The following CCZ1B variants were observed in gnomAD, a reference collection of about 807,000 sequenced individuals.
The protein encoded by CCZ1B is vacuolar fusion protein CCZ1 homolog B.
CCZ1B carries 25 observed loss-of-function variants against 58.8 expected under a neutral mutation model. The observed-to-expected ratio is 0.43, with a 90% CI of 0.31 to 0.59. The LOEUF (loss-of-function observed/expected upper bound fraction) is 0.59, where lower values mean the gene tolerates loss of function less well. Ranked by LOEUF, CCZ1B falls within the 20% of genes least tolerant of loss-of-function variation. CCZ1B has a pLI of 0.12. For missense variants in CCZ1B, 180 were observed against 501.5 expected, an observed-to-expected ratio of 0.36 and a Z score of 6.12; for synonymous variants, 66 against 173.2, an observed-to-expected ratio of 0.38 and a Z score of 4.86.
At chr7:6,811,154 C>T (rs1782911606) in intron 10 of CCZ1B, among the ~76,000 whole-genome samples, 1 of 151,130 alleles carries the variant, frequency 6.6e-6, no homozygotes. Flanking sequence ...CCTTCCCCAC[C>T]TTTCCAGGCC....
rs1210588992 is a variant in CCZ1B, at chr7:6,818,505, C to T, written c.698+1261G>A. Among the ~76,000 whole-genome samples the T allele has an allele frequency of 3.4e-5, 5 of 148,096 alleles. 1 individual carries two copies. The highest frequency in any genetic ancestry group is 7.7e-5 in the African/African-American group (3 of 38,900). ...GGGAAGTTGCAGTGAGCCAAGATCG[C>T]GCCACTGTACTCCAGCCTGGCAACA... On this transcript the variant is annotated intron_variant, in intron 7 of 14. Coordinates refer to ENST00000316731, the MANE Select transcript of CCZ1B (RefSeq NM_198097.5).
At chr7:6,810,972 C>G (rs982951785) in intron 10 of CCZ1B, among the ~76,000 whole-genome samples, 1 of 150,856 alleles carries the variant, frequency 6.6e-6, no homozygotes, top group African/African-American at 2.5e-5. Context: ...TGAGCAGGGC[C>G]TCATTCTCAG....
At chr7:6,801,890 A>C (rs1235472688) in intron 12 of CCZ1B, among the ~76,000 whole-genome samples, 1 of 118,042 alleles carries the variant, frequency 8.5e-6, no homozygotes, top group African/African-American at 3.0e-5. Flanking sequence ...CTCTTTTTCT[A>C]AACAAAGTTT....
At chr7:6,825,285 T>G (rs1474159004) in intron 1 of CCZ1B, among the ~76,000 whole-genome samples, 1 of 146,862 alleles carries the variant, frequency 6.8e-6, no homozygotes, top group African/African-American at 2.6e-5. Flanking sequence ...CTGCCCAGGC[T>G]GTAGTGCAGT....
chr7:6,824,733 T>C lies in CCZ1B; in HGVS notation c.125A>G (p.Glu42Gly), dbSNP rs1266763052. ...PRFGPREGQE[E>G]NKILFYHPNE... ...TGGATGATAAAATAAAATCTTATTTTCCTCCTGAAACATGAGGAAACAGAA... is the reference window on the plus strand; with the variant it reads ...TGGATGATAAAATAAAATCTTATTTCCCTCCTGAAACATGAGGAAACAGAA... The change falls in exon 2 of 15, where the codon GAA becomes GGA. Residue 42 changes from glutamate to glycine, a missense_variant. Glu to Gly is a moderately conservative substitution (Grantham distance 98). Coordinates refer to ENST00000316731, the MANE Select transcript of CCZ1B (RefSeq NM_198097.5). 6.3e-6 allele frequency: 10 copies of C among 1,595,006 alleles called. No homozygotes were observed. The highest frequency in any genetic ancestry group is 8.5e-6 in the Non-Finnish European group (10 of 1,171,532).
chr7:6,821,837 A>G (rs1783116355), intron 6 of CCZ1B, among the ~76,000 whole-genome samples: 1 of 150,342 alleles, frequency 6.7e-6, no homozygotes, highest in African/African-American at 2.5e-5. Context: ...AATCTGACAA[A>G]GTCTGTCAAG....
intron 7 of CCZ1B, among the ~76,000 whole-genome samples, chr7:6,816,406 G>C (rs1783000073): frequency 2.0e-5 from 3 of 148,758 alleles, no homozygotes; most frequent in African/African-American, 7.7e-5. Flanking sequence ...GCTTGAACCT[G>C]GGAGGCGCAG....
intron 7 of CCZ1B, among the ~76,000 whole-genome samples, chr7:6,817,490 C>T (rs1048472821): frequency 6.7e-6 from 1 of 149,894 alleles, no homozygotes; most frequent in Non-Finnish European, 1.5e-5. Flanking sequence ...TGTCACACGA[C>T]ATCTCCCTAT....
At chr7:6,804,036 A>T (rs1328064386) in intron 12 of CCZ1B, among the ~76,000 whole-genome samples, 1 of 150,210 alleles carries the variant, frequency 6.7e-6, no homozygotes, top group Non-Finnish European at 1.5e-5. Context: ...AACTTCTCAA[A>T]TGTGTAGAGA....
chr7:6,813,735 T>TA (rs1782953831), intron 8 of CCZ1B, among the ~76,000 whole-genome samples: 1 of 149,554 alleles, frequency 6.7e-6, no homozygotes, highest in South Asian at 2.1e-4. Flanking sequence ...GAAAGCCAGG[T>TA]AGGCACTAAA....
At chr7:6,822,193 T>C (rs1299432388) in intron 6 of CCZ1B, 88 bp downstream of exon 6, 1 of 1,529,874 alleles carries the variant, frequency 6.5e-7, no homozygotes, top group Non-Finnish European at 8.8e-7. Flanking sequence ...GGGTTTTTTG[T>C]AGATAAGAAA....
rs576280166 is a variant in CCZ1B at position 6,815,212 on chromosome 7, G to A, written c.699-367C>T. Among the ~76,000 whole-genome samples the A allele has an allele frequency of 1.8e-4, 27 of 146,918 alleles. No homozygotes were observed. In the South Asian group the frequency reaches 3.7e-3, roughly 20 times the overall value. On this transcript the variant is annotated intron_variant, in intron 7 of 14. Coordinates refer to ENST00000316731, the MANE Select transcript of CCZ1B (RefSeq NM_198097.5). Reference sequence around the variant, plus strand: ...GACAAGGTCTTGCTCTGTCACCCAGGCTGGAAGCAGTGGTGCGATCATGGC... The same window carrying A: ...GACAAGGTCTTGCTCTGTCACCCAGACTGGAAGCAGTGGTGCGATCATGGC...
At chr7:6,820,327 T>C (rs1783088469) in intron 6 of CCZ1B, among the ~76,000 whole-genome samples, 1 of 149,094 alleles carries the variant, frequency 6.7e-6, no homozygotes, top group South Asian at 2.1e-4. Context: ...TACAGGCGCC[T>C]GCCACCATGC....
intron 7 of CCZ1B, among the ~76,000 whole-genome samples, chr7:6,815,290 A>G (rs200941590): frequency 0.48 from 67,053 of 140,860 alleles, 14,965 homozygotes; most frequent in South Asian, 0.74. Flanking sequence ...CTCAGCCTCC[A>G]GACTAGCTGG....
At chr7:6,822,839 C>G (rs1439161188) in intron 5 of CCZ1B, among the ~76,000 whole-genome samples, 1 of 144,518 alleles carries the variant, frequency 6.9e-6, no homozygotes, top group Non-Finnish European at 1.5e-5. Flanking sequence ...GTAGCTGGGA[C>G]TACAGGCATG....
At chr7:6,820,915 C>CA (rs377633614) in intron 6 of CCZ1B, among the ~76,000 whole-genome samples, 29,475 of 99,472 alleles carry the variant, frequency 0.3, 3,225 homozygotes, top group South Asian at 0.5. Context: ...GACTCTGTCT[C>CA]AAAAAAAAAA....
At chr7:6,818,593 CAGAAAGAA>C (rs796919882) in intron 7 of CCZ1B, among the ~76,000 whole-genome samples, 11 of 105,860 alleles carry the variant, frequency 1.0e-4, no homozygotes, top group East Asian at 9.5e-4. Context: ...GAAAGACAGA[CAGAAAGAA>C]AGAAAGAAAG....
At chr7:6,824,215 G>A (rs750084077) in intron 3 of CCZ1B, 49 bp from the exon 4 acceptor site, 4 of 1,509,586 alleles carry the variant, frequency 2.6e-6, no homozygotes, top group African/African-American at 1.5e-5. Flanking sequence ...ATTAGACCAT[G>A]TTTATTTTGC....
At chr7:6,809,846 C>A (rs1782892266) in intron 10 of CCZ1B, among the ~76,000 whole-genome samples, 1 of 144,982 alleles carries the variant, frequency 6.9e-6, no homozygotes. Context: ...AGAGCCTTAT[C>A]ACCCCAAGAT....
Sources: gnomAD v4.1 joint callset for allele counts (sites outside exome capture counted in the v4.1 genomes callset) on GRCh38, gnomAD v4.1.1 for gene constraint, MANE v1.5 for transcripts, NCBI Gene and HGNC (gene_info 2026-07-23, HGNC 2026-07-21) for gene names.